Variants in HOMER2 observed in about 807,000 individuals in gnomAD.
HOMER2 encodes homer scaffold protein 2.
Under a neutral mutation model 47.0 loss-of-function variants are expected in HOMER2, and 27 were observed. That is an observed-to-expected ratio of 0.57 (90% CI 0.42 to 0.79). HOMER2 has a LOEUF of 0.79. Ranked by LOEUF, HOMER2 falls within the 30% of genes least tolerant of loss-of-function variation. The pLI is 0.00. For missense variants in HOMER2, 443 were observed against 435.0 expected (o/e 1.02, Z -0.16); for synonymous variants, 161 against 163.8 (o/e 0.98, Z 0.13).
intron 1 of HOMER2, among the ~76,000 whole-genome samples, chr15:82,966,275 G>A (rs1001904524): frequency 6.6e-6 from 1 of 151,798 alleles, no homozygotes; most frequent in African/African-American, 2.4e-5. Context: ...CCAAGATGAA[G>A]GGGAAAGTTC....
At chr15:82,859,382 C>G (rs899641103) in intron 4 of HOMER2, among the ~76,000 whole-genome samples, 3 of 151,840 alleles carry the variant, frequency 2.0e-5, no homozygotes, top group African/African-American at 7.3e-5. Flanking sequence ...GAAAAAGGCA[C>G]TGAAGAGACC....
At chr15:82,858,312 A>C (rs1294556174) in intron 5 of HOMER2, among the ~76,000 whole-genome samples, 1 of 151,484 alleles carries the variant, frequency 6.6e-6, no homozygotes, top group African/African-American at 2.4e-5. Flanking sequence ...TTTTTGAGAC[A>C]AGAGTCTCAC....
In HOMER2 at chr15:82,965,391, T is replaced by A. The variant is rs578117014; in HGVS notation, n.83-6083A>T. 2.0e-5 allele frequency among the ~76,000 whole-genome samples: 3 copies of A among 152,170 alleles called. No individual in the cohort carries two copies. In the South Asian group the frequency reaches 6.2e-4, roughly 32 times the overall value. On this transcript the variant is annotated intron_variant and non_coding_transcript_variant, in intron 1 of 1. Transcript: ENST00000500334. Reference sequence around the variant, plus strand: ...GTTTTCCAGAGAACATTTTAGGAAATGCTGAAATAAAAGATACTGTTACCC... The same window carrying A: ...GTTTTCCAGAGAACATTTTAGGAAAAGCTGAAATAAAAGATACTGTTACCC...
At chr15:82,944,372 G>C (rs74638966) in intron 1 of HOMER2, among the ~76,000 whole-genome samples, 1,775 of 152,240 alleles carry the variant, frequency 0.012, 31 homozygotes, top group African/African-American at 0.041. Context: ...AACAAGCAGT[G>C]CTTAAAAGAC....
At chr15:82,983,133 T>C (rs2030451362) in intron 1 of HOMER2, among the ~76,000 whole-genome samples, 2 of 152,200 alleles carry the variant, frequency 1.3e-5, no homozygotes, top group Admixed American at 1.3e-4. Context: ...TTGGGCAAGC[T>C]CATTTAACAC....
upstream of HOMER2, among the ~76,000 whole-genome samples, chr15:82,955,133 A>G (rs1303981762): frequency 2.0e-5 from 3 of 148,858 alleles, no homozygotes; most frequent in Non-Finnish European, 3.0e-5. Context: ...TGATTTCAAA[A>G]CCTATAATCT....
chr15:82,977,021 G>A (rs1406465837), intron 1 of HOMER2, among the ~76,000 whole-genome samples: 3 of 151,472 alleles, frequency 2.0e-5, no homozygotes, highest in Admixed American at 1.3e-4. Context: ...CCAACACTAA[G>A]CCCAGAAATA....
chr15:82,972,128 T>TC (rs2030014833), intron 1 of HOMER2, among the ~76,000 whole-genome samples: 1 of 152,198 alleles, frequency 6.6e-6, no homozygotes, highest in South Asian at 2.1e-4. Flanking sequence ...TGTGCAGCCA[T>TC]CACCCCTATG....
At chr15:82,975,188 G>GTTT (rs1243457550) in intron 1 of HOMER2, among the ~76,000 whole-genome samples, 1 of 152,214 alleles carries the variant, frequency 6.6e-6, no homozygotes, top group East Asian at 1.9e-4. Context: ...AGTTAAAATG[G>GTTT]TTTATATCCA....
rs148991307 is a variant in HOMER2 at position 82,914,480 on chromosome 15, A to G, written c.6-21639T>C. 2.5e-3 allele frequency among the ~76,000 whole-genome samples: 377 copies of G among 152,246 alleles called. 2 individuals are homozygous for G. Among genetic ancestry groups the G allele is most frequent in the African/African-American group, 8.2e-3 (342 of 41,554 alleles). ...AAACCAGTCACAAAATAAATATTCTATGAGTCCACTTATATGAATCAAATT... is the reference window on the plus strand; with the variant it reads ...AAACCAGTCACAAAATAAATATTCTGTGAGTCCACTTATATGAATCAAATT... On this transcript the variant is annotated intron_variant, in intron 1 of 8. Coordinates refer to ENST00000450735, the MANE Select transcript of HOMER2 (RefSeq NM_004839.4).
intron 3 of HOMER2, among the ~76,000 whole-genome samples, chr15:82,865,913 G>C (rs1462881911): frequency 6.6e-6 from 1 of 152,218 alleles, no homozygotes; most frequent in Non-Finnish European, 1.5e-5. Context: ...TTTGCTGCAG[G>C]GGTGGGGCTC....
chr15:82,951,629 T>C (rs561225842), intron 1 of HOMER2, among the ~76,000 whole-genome samples: 3 of 152,366 alleles, frequency 2.0e-5, no homozygotes, highest in Non-Finnish European at 4.4e-5. Context: ...TTAGGAATTC[T>C]GGTTCACTTA....
chr15:82,905,969 G>A (rs563875841), intron 1 of HOMER2, among the ~76,000 whole-genome samples: 8 of 152,156 alleles, frequency 5.3e-5, no homozygotes, highest in East Asian at 1.9e-4. Context: ...TAATATATTC[G>A]AATATGTATG....
At chr15:82,841,633 G>A (rs1479993353) in exon 2 of HOMER2, 2 of 152,132 alleles carry the variant, frequency 1.3e-5, no homozygotes, top group Non-Finnish European at 2.9e-5. Flanking sequence ...AGTTGAGAAA[G>A]TGAAATAAGA....
At chr15:82,945,481 C>A (rs961426808) in intron 1 of HOMER2, among the ~76,000 whole-genome samples, 2 of 151,586 alleles carry the variant, frequency 1.3e-5, no homozygotes, top group East Asian at 3.8e-4. Flanking sequence ...TAGACACACA[C>A]AGACATATAT....
chr15:82,935,403 C>T (rs2054119786), intron 1 of HOMER2, among the ~76,000 whole-genome samples: 1 of 152,160 alleles, frequency 6.6e-6, no homozygotes, highest in African/African-American at 2.4e-5. Context: ...GGCTCTTCCT[C>T]CTCTATGGCC....
intron 3 of HOMER2, among the ~76,000 whole-genome samples, chr15:82,867,694 G>A (rs2052020120): frequency 6.6e-6 from 1 of 152,164 alleles, no homozygotes; most frequent in African/African-American, 2.4e-5. Flanking sequence ...TATTGGTGCA[G>A]CCCCACTGAG....
chr15:82,933,206 G>T (rs1360720616), intron 1 of HOMER2, among the ~76,000 whole-genome samples: 7 of 151,890 alleles, frequency 4.6e-5, no homozygotes, highest in African/African-American at 1.7e-4. Context: ...GGGCAGGGGT[G>T]TTCAGAGACC....
intron 1 of HOMER2, among the ~76,000 whole-genome samples, chr15:82,941,768 C>T (rs2054272771): frequency 6.6e-6 from 1 of 152,142 alleles, no homozygotes; most frequent in Admixed American, 6.5e-5. Flanking sequence ...CCACATTCAC[C>T]TTCTACTCCA....
Sources: allele counts gnomAD v4.1 joint callset (sites outside exome capture counted in the v4.1 genomes callset), GRCh38; gene constraint gnomAD v4.1.1; transcripts MANE v1.5; gene names NCBI Gene and HGNC (gene_info 2026-07-23, HGNC 2026-07-21).